The following ZNF507 variants were observed in gnomAD, a reference collection of about 807,000 sequenced individuals.
ZNF507 encodes the protein zinc finger protein 507.
In ZNF507, 29 loss-of-function variants were observed where a neutral mutation model predicts 80.0. That is an observed-to-expected ratio of 0.36 (90% CI 0.27 to 0.49). ZNF507 has a LOEUF of 0.49. Among genes scored for constraint, ZNF507 ranks in the 20% least tolerant of loss-of-function variants. The probability of loss-of-function intolerance (pLI) is 0.98; values close to 1 mark genes in which losing one functional copy is unlikely to be tolerated. For missense variants in ZNF507, 1,081 were observed against 1,152.2 expected, an observed-to-expected ratio of 0.94 and a Z score of 0.90; for synonymous variants, 462 against 422.5, an observed-to-expected ratio of 1.09 and a Z score of -1.15.
At chr19:32,372,624 C>T (rs1052752497) in intron 5 of ZNF507, among the ~76,000 whole-genome samples, 1 of 151,966 alleles carries the variant, frequency 6.6e-6, no homozygotes, top group African/African-American at 2.4e-5. Context: ...AACGGAAGAA[C>T]TGAGGGGCGT....
intron 5 of ZNF507, among the ~76,000 whole-genome samples, chr19:32,372,958 G>C (rs540902505): frequency 3.3e-5 from 5 of 152,144 alleles, no homozygotes; most frequent in African/African-American, 1.2e-4. Context: ...TGTTGCTTAC[G>C]GTTCTGGAGG....
chr19:32,356,640 G>A lies in ZNF507; in HGVS notation c.2152G>A (p.Glu718Lys). 6.2e-7 allele frequency: 1 copy of A among 1,614,080 alleles called. No homozygotes were observed. Among genetic ancestry groups the A allele is most frequent in the Non-Finnish European group, 8.5e-7 (1 of 1,179,966 alleles). ...GAGTCAATTGAGGAACCATGAGAGAGAACAGCACAGTCTTCCAGATACCTT... is the reference window on the plus strand; with the variant it reads ...GAGTCAATTGAGGAACCATGAGAGAAAACAGCACAGTCTTCCAGATACCTT... ...YKSQLRNHER[E>K]QHSLPDTLSI... The change falls in exon 4 of 7, where the codon GAA (glutamate) becomes AAA (lysine). Residue 718 changes from glutamate to lysine, a missense_variant. Around this residue, in one of 6 missense-constraint regions of ZNF507, gnomAD observed 614 missense variants for 583.9 expected, o/e 1.05. Transcript: ENST00000355898.
intron 5 of ZNF507, among the ~76,000 whole-genome samples, chr19:32,373,562 T>C (rs1465549458): frequency 2.0e-5 from 3 of 152,230 alleles, no homozygotes; most frequent in Non-Finnish European, 4.4e-5. Context: ...ATTGTCATCA[T>C]CATGAAATGT....
chr19:32,351,772 A>C (rs1967172286), intron 2 of ZNF507, among the ~76,000 whole-genome samples: 2 of 152,200 alleles, frequency 1.3e-5, no homozygotes, highest in African/African-American at 4.8e-5. Flanking sequence ...AAAATGTGGA[A>C]AAACAAAACT....
chr19:32,355,078 T>A (rs920677302), intron 3 of ZNF507, 121 bp downstream of exon 3: 1 of 1,023,730 alleles, frequency 9.8e-7, no homozygotes, highest in African/African-American at 1.6e-5. Context: ...CCAGAAAAGT[T>A]TGATAAGTTG....
chr19:32,382,447 C>T lies in ZNF507; in HGVS notation c.2361-20C>T, dbSNP rs1215741341. On this transcript the variant is annotated intron_variant, in intron 5 of 6. Coordinates refer to ENST00000355898, the MANE Select transcript of ZNF507 (RefSeq NM_001136156.2). ...TGTTATGGGACCGTTCTGATTTTCC[C>T]TTGCCTGCCTGTCTTCCAGATGCTC... 1.9e-6 allele frequency: 3 copies of T among 1,610,640 alleles called. No homozygotes were observed. In the South Asian group the frequency reaches 3.3e-5, roughly 18 times the overall value.
chr19:32,361,646 TTTCC>T (rs1321839346), intron 5 of ZNF507, among the ~76,000 whole-genome samples: 3 of 149,550 alleles, frequency 2.0e-5, no homozygotes, highest in Non-Finnish European at 3.0e-5. Context: ...TCCTTCCTTC[TTTCC>T]TTCCTTCCTT....
At chr19:32,371,404 G>C (rs537328209) in intron 5 of ZNF507, among the ~76,000 whole-genome samples, 2 of 151,132 alleles carry the variant, frequency 1.3e-5, no homozygotes, top group African/African-American at 4.9e-5. Context: ...AACCTGGGAG[G>C]GGGAGGTTGC....
rs773962639 is a variant in ZNF507, at chr19:32,382,801, A to G, written c.2580A>G (p.Ala860=). 2.5e-6 allele frequency: 4 copies of G among 1,614,142 alleles called. No homozygotes were observed. The highest frequency in any genetic ancestry group is 2.2e-5 in the South Asian group (2 of 91,082). ...CCGTCACTGGAAGTTCAGAAAATGC[A>G]GTGTCATCTTCAGAACTGATGTCCC... The part of the protein sequence containing the change: ...ADPVTGSSEN[A]VSSSELMSQT... The change falls in exon 7 of 7, where the codon GCA becomes GCG. Residue 860 remains alanine (A), a synonymous_variant. Coordinates refer to ENST00000355898, the MANE Select transcript of ZNF507 (RefSeq NM_001136156.2).
rs970911326 is a variant in ZNF507 at position 32,386,711 on chromosome 19, A to T, written c.*3628A>T. 3.3e-5 allele frequency: 5 copies of T among 152,688 alleles called. No individual in the cohort carries two copies. The highest frequency in any genetic ancestry group is 1.2e-4 in the African/African-American group (5 of 41,472). The allele number at this position is 152,688 out of a possible 1,614,324, so 9.5% of individuals were successfully genotyped here. On this transcript the variant is annotated 3_prime_UTR_variant, in exon 7 of 7. Transcript: ENST00000355898. The stretch of plus-strand genomic sequence containing the variant: ...GGAGAGCAGTTCATCTGTTCAGAAC[A>T]GTGAGGCAAGGTCTGTAGTGCTTCT...
intron 2 of ZNF507, among the ~76,000 whole-genome samples, chr19:32,348,417 C>T (rs919839130): frequency 5.3e-5 from 8 of 151,988 alleles, no homozygotes; most frequent in Non-Finnish European, 1.0e-4. Flanking sequence ...AGCCTTTTCT[C>T]CAGGCCCACA....
At chr19:32,360,141 T>C (rs891090764) in intron 4 of ZNF507, among the ~76,000 whole-genome samples, 13 of 152,208 alleles carry the variant, frequency 8.5e-5, no homozygotes, top group Non-Finnish European at 1.9e-4. Flanking sequence ...AGACAGTATA[T>C]CCAATATTGG....
In ZNF507 at chr19:32,354,347, G is replaced by A. The variant is rs763527137; in HGVS notation, c.1517G>A (p.Arg506Lys). The A allele has an allele frequency of 4.3e-5, 70 of 1,614,022 alleles. No individual in the cohort carries two copies. The South Asian group carries it at 7.1e-4, about 16-fold the overall frequency. Reference protein sequence around the residue: ...AAEALVTMPIRAAELTRANLG... With the variant: ...AAEALVTMPIKAAELTRANLG... ...GAAGCCCTTGTCACAATGCCTATAA[G>A]AGCTGCAGAGTTGACAAGAGCCAAC... Residue 506 changes from arginine (R) to lysine (K), a missense_variant, in exon 3 of 7, where the codon AGA (arginine) becomes AAA (lysine). Coordinates refer to ENST00000355898, the MANE Select transcript of ZNF507 (RefSeq NM_001136156.2).
At chr19:32,364,915 G>C (rs1303901274) in intron 5 of ZNF507, among the ~76,000 whole-genome samples, 1 of 152,166 alleles carries the variant, frequency 6.6e-6, no homozygotes, top group Non-Finnish European at 1.5e-5. Flanking sequence ...GGCTGTACTA[G>C]TTTGCATTCC....
intron 3 of ZNF507, among the ~76,000 whole-genome samples, chr19:32,355,460 G>T (rs1055279076): frequency 1.3e-5 from 2 of 152,176 alleles, no homozygotes; most frequent in African/African-American, 4.8e-5. Context: ...AAAAGGTACT[G>T]TCATGGAAAT....
rs953034089 is a variant in ZNF507 at position 32,354,346 on chromosome 19, A to G, written c.1516A>G (p.Arg506Gly). 4 of 1,614,070 alleles carry G rather than the reference A, an allele frequency of 2.5e-6. No homozygotes were observed. In the Admixed American group the frequency reaches 6.7e-5, roughly 27 times the overall value. Residue 506 changes from arginine to glycine, a missense_variant, in exon 3 of 7, where the codon AGA becomes GGA. This residue lies in a region of ZNF507 where 614 missense variants were observed against 583.9 expected (regional missense o/e 1.05). Coordinates refer to ENST00000355898, the MANE Select transcript of ZNF507 (RefSeq NM_001136156.2). The part of the protein sequence containing the change: ...AAEALVTMPI[R>G]AAELTRANLG... Reference sequence around the variant, plus strand: ...AGAAGCCCTTGTCACAATGCCTATAAGAGCTGCAGAGTTGACAAGAGCCAA... The same window carrying G: ...AGAAGCCCTTGTCACAATGCCTATAGGAGCTGCAGAGTTGACAAGAGCCAA...
At chr19:32,357,584 G>C (rs554957991) in intron 4 of ZNF507, 2 of 152,316 alleles carry the variant, frequency 1.3e-5, no homozygotes, top group African/African-American at 4.8e-5. Flanking sequence ...TGAAAGAACT[G>C]ATTTTGACAC....
chr19:32,361,665 TCTTCCTTCCTTCC>T, intron 5 of ZNF507, among the ~76,000 whole-genome samples: 1 of 137,722 alleles, frequency 7.3e-6, no homozygotes, highest in African/African-American at 2.7e-5. Context: ...TTCCTTCTTT[TCTTCCTTCCTTCC>T]TTTCCTTCCT....
intron 5 of ZNF507, among the ~76,000 whole-genome samples, chr19:32,369,915 C>T (rs1335330665): frequency 6.6e-6 from 1 of 152,124 alleles, no homozygotes; most frequent in African/African-American, 2.4e-5. Flanking sequence ...CTCCCCACCC[C>T]CAGCCCCTGG....
Sources: gnomAD v4.1 joint callset for allele counts (sites outside exome capture counted in the v4.1 genomes callset) on GRCh38, gnomAD v4.1.1 for gene constraint, gnomAD v4.1.1 regional missense constraint, MANE v1.5 for transcripts, NCBI Gene and HGNC (gene_info 2026-07-23, HGNC 2026-07-21) for gene names.